ASH1L: variants seen among roughly 807,000 people sequenced by gnomAD.
ASH1L encodes ASH1 like histone lysine methyltransferase.
A neutral mutation model predicts 269.0 loss-of-function variants in ASH1L; 23 were observed. The observed-to-expected ratio is 0.09, with a 90% CI of 0.06 to 0.12. The LOEUF is 0.12. Ranked by LOEUF, ASH1L falls within the 10% of genes least tolerant of loss-of-function variation. The probability of loss-of-function intolerance (pLI) is 1.00; values close to 1 mark genes in which losing one functional copy is unlikely to be tolerated. For missense variants in ASH1L, 2,912 were observed against 3,567.8 expected (o/e 0.82, Z 4.68); for synonymous variants, 1,187 against 1,253.5 (o/e 0.95, Z 1.12).
chr1:155,554,138 A>G (rs1243169976), intron 1 of ASH1L, among the ~76,000 whole-genome samples: 1 of 150,994 alleles, frequency 6.6e-6, no homozygotes, highest in Non-Finnish European at 1.5e-5. Context: ...AGGCTGGAGT[A>G]GAGTGGTGCG....
rs1299756334 is a variant in ASH1L, at chr1:155,349,884, CT to C, written c.7367-289del. On this transcript the variant is annotated intron_variant, in intron 17 of 27. Transcript: ENST00000392403. Reference sequence around the variant, plus strand: ...AGGCGTGTACCACCACGCCAAGCTACTTTTTTTTTTTTTTTTTTTTTTGAGA... The same window carrying C: ...AGGCGTGTACCACCACGCCAAGCTACTTTTTTTTTTTTTTTTTTTTTGAGA... 3.4e-3 allele frequency among the ~76,000 whole-genome samples: 334 copies of C among 97,678 alleles called. 2 individuals are homozygous for C. Among genetic ancestry groups the C allele is most frequent in the African/African-American group, 8.1e-3 (208 of 25,768 alleles). The allele number at this position is 97,678 out of a possible 152,430, so 64.1% of individuals were successfully genotyped here.
chr1:155,428,877 T>C (rs955405576), intron 5 of ASH1L, among the ~76,000 whole-genome samples: 5 of 152,192 alleles, frequency 3.3e-5, no homozygotes, highest in African/African-American at 1.2e-4. Flanking sequence ...GGTAAATCTC[T>C]GTTCGGGGCT....
chr1:155,440,434 G>GC (rs1344492010), intron 4 of ASH1L: 2 of 226,802 alleles, frequency 8.8e-6, no homozygotes, highest in African/African-American at 4.7e-5. Flanking sequence ...TCAATTACTT[G>GC]CAACTCCATT....
chr1:155,385,956 TAA>T lies in ASH1L; in HGVS notation c.6104-5842_6104-5841del, dbSNP rs763927501. 2.6e-5 allele frequency among the ~76,000 whole-genome samples: 4 copies of T among 152,234 alleles called. 1 individual carries two copies. Among genetic ancestry groups the T allele is most frequent in the African/African-American group, 9.6e-5 (4 of 41,534 alleles). On this transcript the variant is annotated intron_variant, in intron 7 of 27. Coordinates refer to ENST00000392403, the MANE Select transcript of ASH1L (RefSeq NM_018489.3). ...TAGTTATGTTACTGCTAGGTGTTGG[TAA>T]AAGTCTGACTCGGCTAGACCTCCTC...
intron 1 of ASH1L, among the ~76,000 whole-genome samples, chr1:155,552,983 T>C (rs1671319661): frequency 6.6e-6 from 1 of 152,160 alleles, no homozygotes. Flanking sequence ...CTCTATGCTA[T>C]AAATATTATC....
chr1:155,353,505 AT>A (rs1654103395), intron 16 of ASH1L, among the ~76,000 whole-genome samples: 1 of 152,192 alleles, frequency 6.6e-6, no homozygotes, highest in Non-Finnish European at 1.5e-5. Context: ...GAAGGAAAGG[AT>A]TAAAAAAAAG....
At chr1:155,501,007 G>A (rs1381782231) in intron 2 of ASH1L, among the ~76,000 whole-genome samples, 1 of 151,772 alleles carries the variant, frequency 6.6e-6, no homozygotes, top group Non-Finnish European at 1.5e-5. Flanking sequence ...AAGAGCTAAG[G>A]AGCCTAAACA....
intron 7 of ASH1L, among the ~76,000 whole-genome samples, chr1:155,395,193 A>T (rs1216531535): frequency 1.3e-5 from 2 of 152,238 alleles, no homozygotes; most frequent in Non-Finnish European, 1.5e-5. Context: ...TCAGCCTCCC[A>T]AAGTGCTAGG....
At chr1:155,490,255 T>C (rs111256524) in intron 2 of ASH1L, among the ~76,000 whole-genome samples, 7,394 of 151,792 alleles carry the variant, frequency 0.049, 618 homozygotes, top group African/African-American at 0.17. Context: ...TGAGCCACCA[T>C]GCCCGGCCAA....
At chr1:155,503,867 G>A (rs188319307) in intron 2 of ASH1L, among the ~76,000 whole-genome samples, 1 of 152,292 alleles carries the variant, frequency 6.6e-6, no homozygotes, top group Non-Finnish European at 1.5e-5. Flanking sequence ...TGGGACAACA[G>A]GTGTAAGCCA....
intron 5 of ASH1L, among the ~76,000 whole-genome samples, chr1:155,416,679 G>A (rs997709270): frequency 2.6e-5 from 4 of 151,880 alleles, no homozygotes; most frequent in African/African-American, 9.7e-5. Flanking sequence ...GGGATTACAG[G>A]CGCCTGTAAC....
chr1:155,538,896 C>A (rs1571104311), intron 1 of ASH1L, among the ~76,000 whole-genome samples: 1 of 152,126 alleles, frequency 6.6e-6, no homozygotes, highest in East Asian at 1.9e-4. Context: ...GGTTCAATAT[C>A]TTTACAAAGT....
At chr1:155,494,709 G>A (rs1407963928) in intron 2 of ASH1L, among the ~76,000 whole-genome samples, 2 of 152,106 alleles carry the variant, frequency 1.3e-5, no homozygotes, top group Non-Finnish European at 2.9e-5. Flanking sequence ...TTTAGTTTGA[G>A]ACATGTTAAA....
At chr1:155,389,727 C>T (rs1481146084) in intron 7 of ASH1L, among the ~76,000 whole-genome samples, 2 of 152,032 alleles carry the variant, frequency 1.3e-5, no homozygotes, top group Non-Finnish European at 2.9e-5. Flanking sequence ...TTTTTCTTTT[C>T]AATAGATATG....
intron 3 of ASH1L, 125 bp from the exon 4 acceptor site, chr1:155,460,023 C>T (rs1468786415): frequency 2.5e-5 from 16 of 643,342 alleles, no homozygotes; most frequent in Non-Finnish European, 3.6e-5. Context: ...AATAACATGA[C>T]TTGTAACCTG....
Position 155,481,667 on chromosome 1 carries a change from A to G in ASH1L, c.1203T>C (p.Asn401=), listed in dbSNP as rs1665975438. 6.2e-7 allele frequency: 1 copy of G among 1,614,044 alleles called. No individual in the cohort carries two copies. The highest frequency in any genetic ancestry group is 1.3e-5 in the African/African-American group (1 of 74,944). Residue 401 remains asparagine, a synonymous_variant, in exon 3 of 28, where the codon AAT becomes AAC. Transcript: ENST00000392403. ...IVASSAMGLV[N]KDIGKKLMSC... ...TCATTAGTTTCTTTCCAATGTCCTT[A>G]TTAACCAATCCCATTGCTGAACTTG...
chr1:155,559,365 G>A (rs947728903), intron 1 of ASH1L, among the ~76,000 whole-genome samples: 14 of 152,020 alleles, frequency 9.2e-5, no homozygotes, highest in Middle Eastern at 3.4e-3. Context: ...GAGAAACGCT[G>A]TCTCTACTAA....
Position 155,360,394 on chromosome 1 carries a change from T to C in ASH1L, c.6702A>G (p.Val2234=), listed in dbSNP as rs776286490. The C allele has an allele frequency of 6.2e-7, 1 of 1,609,404 alleles. No individual in the cohort carries two copies. The highest frequency in any genetic ancestry group is 8.5e-7 in the Non-Finnish European group (1 of 1,175,760). ...TAAGAGCATAGAGTCCAATCCGGTATACTCCATTAACAGACCTGTAAAGAG... is the reference window on the plus strand; with the variant it reads ...TAAGAGCATAGAGTCCAATCCGGTACACTCCATTAACAGACCTGTAAAGAG... The part of the protein sequence containing the change: ...CEMQKWSVNG[V]YRIGLYALKD... The change falls in exon 13 of 28, where the codon GTA becomes GTG. Residue 2234 remains valine, a synonymous_variant. Coordinates refer to ENST00000392403, the MANE Select transcript of ASH1L (RefSeq NM_018489.3).
chr1:155,388,730 T>TC (rs1214640764), intron 7 of ASH1L, among the ~76,000 whole-genome samples: 66 of 151,006 alleles, frequency 4.4e-4, no homozygotes, highest in Non-Finnish European at 6.2e-4. Flanking sequence ...TTTTTTTTTT[T>TC]TTCATAGAAA....
Sources: allele counts gnomAD v4.1 joint callset (sites outside exome capture counted in the v4.1 genomes callset), GRCh38; gene constraint gnomAD v4.1.1; transcripts MANE v1.5; gene names NCBI Gene and HGNC (gene_info 2026-07-23, HGNC 2026-07-21).